Variants in EXOC6 observed in about 807,000 individuals in gnomAD.
The protein encoded by EXOC6 is exocyst complex component 6.
Under a neutral mutation model 112.5 loss-of-function variants are expected in EXOC6, and 60 were observed. That is an observed-to-expected ratio of 0.53 (90% CI 0.43 to 0.66). EXOC6 has a LOEUF of 0.66. Among genes scored for constraint, EXOC6 ranks in the 30% least tolerant of loss-of-function variants. EXOC6 has a pLI of 0.00. For missense variants in EXOC6, 855 were observed against 957.1 expected (o/e 0.89, Z 1.41); for synonymous variants, 295 against 308.0 (o/e 0.96, Z 0.44).
chr10:93,041,728 A>G (rs1845789405), intron 20 of EXOC6, among the ~76,000 whole-genome samples: 1 of 148,236 alleles, frequency 6.7e-6, no homozygotes, highest in Admixed American at 6.7e-5. Flanking sequence ...TTATTTATTT[A>G]TGAGATGGAG....
intron 1 of EXOC6, among the ~76,000 whole-genome samples, chr10:92,858,028 C>G (rs930697816): frequency 2.2e-5 from 3 of 139,082 alleles, no homozygotes; most frequent in Admixed American, 7.3e-5. Flanking sequence ...GGGTTCCCCC[C>G]CTCCGCCGGC....
rs1564808201 is a variant in EXOC6, at chr10:92,894,811, C to G, written c.291C>G (p.Thr97=). The part of the protein sequence containing the change: ...AEKLKVQVTD[T]NRRFQDAGKE... Reference sequence around the variant, plus strand: ...TTTTTAAGGTGCAAGTTACTGATACCAACCGAAGGTTTCAAGATGCTGGAA... The same window carrying G: ...TTTTTAAGGTGCAAGTTACTGATACGAACCGAAGGTTTCAAGATGCTGGAA... The change falls in exon 3 of 22, where the codon ACC becomes ACG. Residue 97 remains threonine (T), a synonymous_variant. Coordinates refer to ENST00000260762, the MANE Select transcript of EXOC6 (RefSeq NM_019053.6). 1 of 1,613,294 alleles carries G rather than the reference C, an allele frequency of 6.2e-7. No individual in the cohort carries two copies.
At chr10:93,017,344 A>G (rs1844573413) in intron 20 of EXOC6, among the ~76,000 whole-genome samples, 1 of 151,832 alleles carries the variant, frequency 6.6e-6, no homozygotes, top group African/African-American at 2.4e-5. Context: ...TAATCCCAGC[A>G]CTTTGGAAGG....
intron 20 of EXOC6, among the ~76,000 whole-genome samples, chr10:93,036,747 A>T (rs835273): frequency 0.51 from 78,134 of 152,106 alleles, 22,093 homozygotes; most frequent in East Asian, 0.79. Flanking sequence ...GAAAAAATTA[A>T]GTCATTTAAG....
intron 5 of EXOC6, 114 bp downstream of exon 5, chr10:92,899,758 C>G (rs11187206): frequency 0.11 from 78,167 of 716,230 alleles, 4,720 homozygotes; most frequent in Admixed American, 0.19. Flanking sequence ...CTTCATTACA[C>G]TAACCTTTGT....
intron 1 of EXOC6, chr10:92,878,279 C>T (rs879465516): frequency 6.6e-6 from 1 of 152,028 alleles, no homozygotes; most frequent in Admixed American, 6.6e-5. Flanking sequence ...CTTTCTAGGT[C>T]GTCTTTGGCG....
intron 20 of EXOC6, among the ~76,000 whole-genome samples, chr10:93,025,674 G>A (rs968536364): frequency 6.6e-6 from 1 of 152,184 alleles, no homozygotes; most frequent in African/African-American, 2.4e-5. Flanking sequence ...TGAATGATAT[G>A]TAGAGAATTT....
chr10:92,972,800 C>T (rs1052451406), intron 17 of EXOC6, among the ~76,000 whole-genome samples: 4 of 152,196 alleles, frequency 2.6e-5, no homozygotes, highest in Admixed American at 6.5e-5. Context: ...TGTCACTACC[C>T]TGTTTTATTT....
At chr10:92,835,899 A>G (rs1332944304) in intron 1 of EXOC6, among the ~76,000 whole-genome samples, 1 of 152,198 alleles carries the variant, frequency 6.6e-6, no homozygotes, top group East Asian at 1.9e-4. Flanking sequence ...ATTCTGCGAA[A>G]AAGAGCTGGT....
At chr10:93,031,697 C>G (rs1456437867) in intron 20 of EXOC6, among the ~76,000 whole-genome samples, 1 of 151,674 alleles carries the variant, frequency 6.6e-6, no homozygotes, top group Non-Finnish European at 1.5e-5. Context: ...ATTTTTAGTA[C>G]AGAGGGGGTG....
chr10:93,031,920 ACGATAAAT>A (rs1845295032), intron 20 of EXOC6, among the ~76,000 whole-genome samples: 1 of 152,186 alleles, frequency 6.6e-6, no homozygotes, highest in Admixed American at 6.5e-5. Context: ...CATTTCTTTC[ACGATAAAT>A]TGTTAAGTCT....
intron 1 of EXOC6, among the ~76,000 whole-genome samples, chr10:92,871,271 A>G (rs1031907893): frequency 6.6e-6 from 1 of 152,096 alleles, no homozygotes; most frequent in African/African-American, 2.4e-5. Context: ...TCATGCCTAT[A>G]ATCCCAGCGC....
At chr10:92,934,245 A>G in intron 10 of EXOC6, 55 bp downstream of exon 10, 2 of 1,536,972 alleles carry the variant, frequency 1.3e-6, no homozygotes, top group Non-Finnish European at 1.7e-6. Flanking sequence ...GTTAAATGCC[A>G]GAAATACTTA....
At chr10:92,900,419 A>C (rs1850098166) in intron 5 of EXOC6, 1 of 152,170 alleles carries the variant, frequency 6.6e-6, no homozygotes, top group Non-Finnish European at 1.5e-5. Flanking sequence ...CATCTTATAC[A>C]GACCTATAGT....
intron 17 of EXOC6, among the ~76,000 whole-genome samples, chr10:92,960,313 A>G (rs551300267): frequency 3.9e-5 from 6 of 152,334 alleles, no homozygotes; most frequent in South Asian, 2.1e-4. Flanking sequence ...AGAGAAAGCT[A>G]TGGAGGCAAT....
chr10:93,003,519 A>G (rs377038733), intron 19 of EXOC6, among the ~76,000 whole-genome samples: 5 of 152,326 alleles, frequency 3.3e-5, no homozygotes, highest in African/African-American at 1.2e-4. Flanking sequence ...AGCTTGAGCT[A>G]AAATTTCAGT....
At chr10:92,953,578 A>T (rs891807058) in intron 15 of EXOC6, among the ~76,000 whole-genome samples, 1 of 152,150 alleles carries the variant, frequency 6.6e-6, no homozygotes, top group African/African-American at 2.4e-5. Context: ...TAGTGGATAG[A>T]GGCCAAACAT....
chr10:92,981,183 A>T (rs1256829539), intron 18 of EXOC6, among the ~76,000 whole-genome samples: 1 of 152,246 alleles, frequency 6.6e-6, no homozygotes, highest in Non-Finnish European at 1.5e-5. Context: ...TTAAACCAGA[A>T]GAATTTTTAA....
chr10:93,018,171 T>G (rs1844628113), intron 20 of EXOC6, among the ~76,000 whole-genome samples: 1 of 152,080 alleles, frequency 6.6e-6, no homozygotes, highest in African/African-American at 2.4e-5. Flanking sequence ...AGACCATGTT[T>G]ACATCTTAAT....
Sources: allele counts gnomAD v4.1 joint callset (sites outside exome capture counted in the v4.1 genomes callset), GRCh38; gene constraint gnomAD v4.1.1; transcripts MANE v1.5; gene names NCBI Gene and HGNC (gene_info 2026-07-23, HGNC 2026-07-21).